ING4: variants seen among roughly 807,000 people sequenced by gnomAD.
ING4 encodes the protein inhibitor of growth protein 4.
ING4 carries 28 observed loss-of-function variants against 33.1 expected under a neutral mutation model. The observed-to-expected ratio is 0.85, with a 90% confidence interval of 0.63 to 1.16. ING4 has a LOEUF of 1.16. Among genes scored for constraint, ING4 ranks in the 50% most tolerant of loss-of-function variants. The probability of loss-of-function intolerance (pLI) is 0.00; values close to 1 mark genes in which losing one functional copy is unlikely to be tolerated. For synonymous variants in ING4, 87 were observed against 104.4 expected (o/e 0.83, Z 1.02); for missense variants, 247 against 314.7 (o/e 0.78, Z 1.63).
At chr12:6,658,531 C>T (rs1949444475) in intron 1 of ING4, among the ~76,000 whole-genome samples, 1 of 151,820 alleles carries the variant, frequency 6.6e-6, no homozygotes, top group Non-Finnish European at 1.5e-5. Context: ...ACCAAAAATA[C>T]AAAAACTTAG....
chr12:6,651,255 G>A, intron 7 of ING4, 21 bp from the exon 8 acceptor site: 1 of 1,614,146 alleles, frequency 6.2e-7, no homozygotes. Flanking sequence ...GAAGGGGAGA[G>A]AAAAGTGAGT....
chr12:6,662,078 C>T (rs989626781), intron 1 of ING4, among the ~76,000 whole-genome samples: 7 of 152,206 alleles, frequency 4.6e-5, no homozygotes, highest in African/African-American at 1.4e-4. Context: ...ATCAAATACG[C>T]TGACCTCTGA....
intron 1 of ING4, 130 bp downstream of exon 1, chr12:6,662,935 T>A: frequency 3.0e-6 from 3 of 991,418 alleles, no homozygotes; most frequent in Non-Finnish European, 3.0e-6. Flanking sequence ...CACCCTCCAA[T>A]ATTTCCTGCC....
At chr12:6,658,149 A>C (rs1949432458) in intron 1 of ING4, among the ~76,000 whole-genome samples, 2 of 151,304 alleles carry the variant, frequency 1.3e-5, no homozygotes, top group African/African-American at 4.8e-5. Context: ...TAGTAGACAC[A>C]GGGTTTCACC....
chr12:6,655,754 T>C, intron 2 of ING4: 1 of 458,084 alleles, frequency 2.2e-6, no homozygotes, highest in Non-Finnish European at 4.1e-6. Context: ...AACCAGTCTG[T>C]TACATCCTTG....
At chr12:6,651,996 A>G (rs1199407705) in intron 6 of ING4, among the ~76,000 whole-genome samples, 1 of 151,626 alleles carries the variant, frequency 6.6e-6, no homozygotes, top group East Asian at 1.9e-4. Context: ...AGTAGCTGGG[A>G]TGACAGTCGT....
In ING4 at chr12:6,653,490, T is replaced by C. The variant is rs1949251464; in HGVS notation, c.110-94A>G. 1.2e-5 allele frequency: 15 copies of C among 1,219,546 alleles called. No individual in the cohort carries two copies. The South Asian group carries it at 2.1e-4, about 17-fold the overall frequency. The allele number at this position is 1,219,546 out of a possible 1,614,324, so 75.5% of individuals were successfully genotyped here. A position where few individuals can be genotyped will look rare whatever the true frequency, so the allele number is the denominator to read the frequency against. On this transcript the variant is annotated intron_variant, in intron 2 of 7. Coordinates refer to ENST00000341550, the MANE Select transcript of ING4 (RefSeq NM_016162.4). The stretch of plus-strand genomic sequence containing the variant: ...TGTTCTTTGGACCTTTTCCATTGAT[T>C]AGCATAACCTTCCAACTAAAAAGTA...
chr12:6,655,487 A>C (rs1949325985), intron 2 of ING4, among the ~76,000 whole-genome samples: 1 of 152,256 alleles, frequency 6.6e-6, no homozygotes, highest in South Asian at 2.1e-4. Context: ...GATAACCAGG[A>C]GGATCTGTGA....
chr12:6,656,655 G>A (rs1055645503), intron 2 of ING4, 72 bp downstream of exon 2: 22 of 854,034 alleles, frequency 2.6e-5, no homozygotes, highest in Non-Finnish European at 3.2e-5. Context: ...CAGATGATAC[G>A]GTAACATCAA....
At chr12:6,663,011 C>T (rs2136288875) in intron 1 of ING4, 54 bp downstream of exon 1, 3 of 1,582,156 alleles carry the variant, frequency 1.9e-6, no homozygotes, top group Non-Finnish European at 2.6e-6. Context: ...TCCTCTCATC[C>T]CTGATCCCCG....
intron 2 of ING4, chr12:6,655,757 C>T (rs1949332946): frequency 9.0e-6 from 4 of 442,020 alleles, no homozygotes; most frequent in South Asian, 6.7e-5. Flanking sequence ...CAGTCTGTTA[C>T]ATCCTTGAAC....
chr12:6,659,580 A>G (rs1325955576), intron 1 of ING4, among the ~76,000 whole-genome samples: 2 of 152,108 alleles, frequency 1.3e-5, no homozygotes, highest in Non-Finnish European at 2.9e-5. Context: ...TGGGTGGCCG[A>G]GGAGAGCAGA....
At chr12:6,662,541 C>T (rs1225396634) in intron 1 of ING4, among the ~76,000 whole-genome samples, 6 of 152,180 alleles carry the variant, frequency 3.9e-5, no homozygotes, top group South Asian at 4.1e-4. Context: ...GGGTGGTTTA[C>T]ATAAATCGCA....
At chr12:6,656,171 CTTTTTTTT>C (rs199755461) in intron 2 of ING4, among the ~76,000 whole-genome samples, 2 of 141,068 alleles carry the variant, frequency 1.4e-5, no homozygotes, top group Non-Finnish European at 3.1e-5. Flanking sequence ...TTTAATTCTT[CTTTTTTTT>C]TTTTTTTGAG....
chr12:6,662,995 T>C (rs1291661277), intron 1 of ING4, 70 bp downstream of exon 1: 14 of 1,519,678 alleles, frequency 9.2e-6, no homozygotes, highest in African/African-American at 1.4e-5. Context: ...ACTTAAGGGC[T>C]ACAGATCCTC....
intron 1 of ING4, among the ~76,000 whole-genome samples, chr12:6,661,807 T>G (rs1949564745): frequency 6.6e-6 from 1 of 152,176 alleles, no homozygotes; most frequent in Non-Finnish European, 1.5e-5. Flanking sequence ...CAGTCAGTCC[T>G]TTCATATTTA....
chr12:6,650,649 T>A lies in ING4; in HGVS notation c.*546A>T, dbSNP rs1949150764. The A allele has an allele frequency of 6.3e-6, 1 of 157,742 alleles. No homozygotes were observed. Among genetic ancestry groups the A allele is most frequent in the African/African-American group, 2.4e-5 (1 of 41,534 alleles). The allele number at this position is 157,742 out of a possible 1,614,324, so 9.8% of individuals were successfully genotyped here. A position where few individuals can be genotyped will look rare whatever the true frequency, so the allele number is the denominator to read the frequency against. On this transcript the variant is annotated 3_prime_UTR_variant, in exon 8 of 8. Transcript: ENST00000341550. ...TCCTTTTACATGTGAGTTATCTGCATTCCACCTTGCCCCCTCTCCCAGGAT... is the reference window on the plus strand; with the variant it reads ...TCCTTTTACATGTGAGTTATCTGCAATCCACCTTGCCCCCTCTCCCAGGAT...
chr12:6,662,528 C>T (rs916863309), intron 1 of ING4, among the ~76,000 whole-genome samples: 1 of 152,168 alleles, frequency 6.6e-6, no homozygotes, highest in Admixed American at 6.5e-5. Context: ...AGGCTTTCTG[C>T]AGGGGTGGTT....
chr12:6,661,707 T>TGAG (rs972385692), intron 1 of ING4, among the ~76,000 whole-genome samples: 46 of 152,152 alleles, frequency 3.0e-4, no homozygotes, highest in African/African-American at 1.1e-3. Context: ...ATTACAGGCA[T>TGAG]GAGCTACTGT....
Sources: allele counts gnomAD v4.1 joint callset (sites outside exome capture counted in the v4.1 genomes callset), GRCh38; gene constraint gnomAD v4.1.1; transcripts MANE v1.5; gene names NCBI Gene and HGNC (gene_info 2026-07-23, HGNC 2026-07-21).